The following HCN1 variants were observed in gnomAD, a reference collection of about 807,000 sequenced individuals.
HCN1 encodes the protein hyperpolarization activated cyclic nucleotide gated potassium channel 1, also known as potassium/sodium hyperpolarization-activated cyclic nucleotide-gated channel 1.
Under a neutral mutation model 78.9 loss-of-function variants are expected in HCN1, and 13 were observed. That is an observed-to-expected ratio of 0.16 (90% confidence interval 0.11 to 0.26). The LOEUF is 0.26. Among genes scored for constraint, HCN1 ranks in the 10% least tolerant of loss-of-function variants. The probability of loss-of-function intolerance (pLI) is 1.00; values close to 1 mark genes in which losing one functional copy is unlikely to be tolerated. For synonymous variants in HCN1, 552 were observed against 455.5 expected (o/e 1.21, Z -2.70); for missense variants, 810 against 1,154.3 (o/e 0.70, Z 4.32).
chr5:45,578,907 G>A (rs1744001056), intron 2 of HCN1, among the ~76,000 whole-genome samples: 1 of 151,958 alleles, frequency 6.6e-6, no homozygotes, highest in African/African-American at 2.4e-5. Flanking sequence ...AGCAATACCT[G>A]TTATATGTCT....
chr5:45,554,482 G>A (rs1389707249), intron 2 of HCN1, among the ~76,000 whole-genome samples: 1 of 151,524 alleles, frequency 6.6e-6, no homozygotes, highest in Non-Finnish European at 1.5e-5. Flanking sequence ...ATCCATTTAG[G>A]TTCAGGCTTG....
At chr5:45,490,625 G>A (rs1375212543) in intron 2 of HCN1, among the ~76,000 whole-genome samples, 1 of 152,004 alleles carries the variant, frequency 6.6e-6, no homozygotes, top group African/African-American at 2.4e-5. Flanking sequence ...AAATATTAAA[G>A]TGTTTGACCA....
At chr5:45,487,674 T>C (rs939132945) in intron 2 of HCN1, among the ~76,000 whole-genome samples, 1 of 152,110 alleles carries the variant, frequency 6.6e-6, no homozygotes, top group African/African-American at 2.4e-5. Flanking sequence ...TACAAAATAA[T>C]GTAAGTTCAT....
chr5:45,653,960 T>C (rs774897813), intron 1 of HCN1, among the ~76,000 whole-genome samples: 1 of 152,100 alleles, frequency 6.6e-6, no homozygotes, highest in Non-Finnish European at 1.5e-5. Context: ...TTTGTTCTTT[T>C]GGATGATTTC....
At chr5:45,566,351 A>C (rs2111892165) in intron 2 of HCN1, among the ~76,000 whole-genome samples, 1 of 152,312 alleles carries the variant, frequency 6.6e-6, no homozygotes, top group Admixed American at 6.5e-5. Flanking sequence ...GTAATCTAAA[A>C]GTATCAAATA....
At chr5:45,436,351 A>G (rs1299908067) in intron 3 of HCN1, among the ~76,000 whole-genome samples, 2 of 152,136 alleles carry the variant, frequency 1.3e-5, no homozygotes, top group African/African-American at 4.8e-5. Context: ...TAGCTCAAAC[A>G]TCTGTTGCTT....
chr5:45,475,829 A>C (rs556123911), intron 2 of HCN1, among the ~76,000 whole-genome samples: 1 of 152,136 alleles, frequency 6.6e-6, no homozygotes, highest in African/African-American at 2.4e-5. Flanking sequence ...GAGTCTAACA[A>C]CAGAAAAACG....
intron 3 of HCN1, among the ~76,000 whole-genome samples, chr5:45,457,267 A>C (rs1741047247): frequency 6.6e-6 from 1 of 152,080 alleles, no homozygotes; most frequent in Admixed American, 6.6e-5. Flanking sequence ...TTATTTTCTT[A>C]TATTCTTAAA....
At chr5:45,378,765 C>G (rs1747743203) in intron 4 of HCN1, among the ~76,000 whole-genome samples, 1 of 152,088 alleles carries the variant, frequency 6.6e-6, no homozygotes, top group Non-Finnish European at 1.5e-5. Flanking sequence ...AATGCTATCC[C>G]TCCCCCAGCC....
chr5:45,585,903 T>C (rs1373961595), intron 2 of HCN1, among the ~76,000 whole-genome samples: 1 of 152,068 alleles, frequency 6.6e-6, no homozygotes. Flanking sequence ...CTCAGAGGAG[T>C]ACCCAGCCGT....
intron 2 of HCN1, among the ~76,000 whole-genome samples, chr5:45,531,994 C>G (rs1337165274): frequency 2.0e-5 from 3 of 152,086 alleles, no homozygotes; most frequent in Non-Finnish European, 2.9e-5. Flanking sequence ...GAGCCGAGAT[C>G]GCACCACTGC....
At chr5:45,432,727 A>C (rs1740488003) in intron 3 of HCN1, among the ~76,000 whole-genome samples, 1 of 152,156 alleles carries the variant, frequency 6.6e-6, no homozygotes, top group African/African-American at 2.4e-5. Context: ...CCTTTTCTGC[A>C]TATATTGAGA....
chr5:45,434,873 T>A (rs1418515765), intron 3 of HCN1, among the ~76,000 whole-genome samples: 2 of 152,094 alleles, frequency 1.3e-5, no homozygotes, highest in South Asian at 2.1e-4. Context: ...CATATATATC[T>A]ATATTATAAA....
At chr5:45,613,858 A>T (rs1744890571) in intron 2 of HCN1, among the ~76,000 whole-genome samples, 1 of 152,144 alleles carries the variant, frequency 6.6e-6, no homozygotes, top group South Asian at 2.1e-4. Context: ...TATGTTTTAT[A>T]CTCTGTGGTA....
intron 2 of HCN1, among the ~76,000 whole-genome samples, chr5:45,498,578 C>T (rs563091361): frequency 1.5e-4 from 23 of 152,334 alleles, no homozygotes; most frequent in African/African-American, 5.5e-4. Flanking sequence ...GCCTTCTTCT[C>T]TCAGCTCGTC....
chr5:45,464,094 C>G (rs988856611), intron 2 of HCN1, among the ~76,000 whole-genome samples: 5 of 151,994 alleles, frequency 3.3e-5, no homozygotes, highest in African/African-American at 1.2e-4. Flanking sequence ...CTTGCATTTT[C>G]TACTTCCTTT....
At chr5:45,549,808 G>A (rs143421079) in intron 2 of HCN1, among the ~76,000 whole-genome samples, 2 of 151,506 alleles carry the variant, frequency 1.3e-5, no homozygotes, top group Non-Finnish European at 2.9e-5. Flanking sequence ...CAAGAAAAAA[G>A]CAAACAACCC....
intron 5 of HCN1, among the ~76,000 whole-genome samples, chr5:45,332,975 T>C (rs114012583): frequency 0.035 from 5,294 of 151,756 alleles, 339 homozygotes; most frequent in African/African-American, 0.12. Context: ...CTCTCTGATA[T>C]CTCATTTCCT....
chr5:45,563,382 C>T (rs1458945101), intron 2 of HCN1, among the ~76,000 whole-genome samples: 8 of 151,792 alleles, frequency 5.3e-5, no homozygotes, highest in African/African-American at 7.3e-5. Flanking sequence ...AACTTGGAAG[C>T]GGGGGTTGCA....
Sources: gnomAD v4.1 joint callset for allele counts (sites outside exome capture counted in the v4.1 genomes callset) on GRCh38, gnomAD v4.1.1 for gene constraint, MANE v1.5 for transcripts, NCBI Gene and HGNC (gene_info 2026-07-23, HGNC 2026-07-21) for gene names.